The following AFG3L2 variants were observed in gnomAD, a reference collection of about 807,000 sequenced individuals.
The protein encoded by AFG3L2 is AFG3 like matrix AAA peptidase subunit 2.
In AFG3L2, 54 loss-of-function variants were observed where a neutral mutation model predicts 94.5. The observed-to-expected ratio is 0.57, with a 90% CI of 0.46 to 0.72. The LOEUF (loss-of-function observed/expected upper bound fraction) is 0.72. Among genes scored for constraint, AFG3L2 ranks in the 30% least tolerant of loss-of-function variants. The probability of loss-of-function intolerance (pLI) is 0.00; values close to 1 mark genes in which losing one functional copy is unlikely to be tolerated. For missense variants in AFG3L2, 754 were observed against 994.9 expected (o/e 0.76, Z 3.26); for synonymous variants, 377 against 365.5 (o/e 1.03, Z -0.36).
At chr18:12,343,992 GGTTACCAGAA>G (rs1908038912) in intron 14 of AFG3L2, 130 bp downstream of exon 14, 5 of 739,994 alleles carry the variant, frequency 6.8e-6, no homozygotes, top group South Asian at 4.5e-5. Flanking sequence ...GTGCAACTAT[GGTTACCAGAA>G]GTTACCAGAA....
At chr18:12,356,624 C>T in intron 9 of AFG3L2, 70 bp downstream of exon 9, 1 of 1,607,420 alleles carries the variant, frequency 6.2e-7, no homozygotes, top group Non-Finnish European at 8.5e-7. Context: ...CCATCTCTAG[C>T]AAGTGCCTCC....
chr18:12,336,619 C>T (rs771012700), intron 16 of AFG3L2, among the ~76,000 whole-genome samples: 69 of 152,254 alleles, frequency 4.5e-4, no homozygotes, highest in Admixed American at 2.6e-4. Context: ...GAGAAACTGG[C>T]TGTACCTGGG....
Position 12,329,577 on chromosome 18 carries a change from T to C in AFG3L2, c.2382A>G (p.Lys794=), listed in dbSNP as rs1296929028. 2 of 1,613,830 alleles carry C rather than the reference T, an allele frequency of 1.2e-6. No individual in the cohort carries two copies. The highest frequency in any genetic ancestry group is 1.3e-5 in the African/African-American group (1 of 74,906). The part of the protein sequence containing the change: ...EKEKEEPPGE[K]VAN ...TCCCTCTGGGCCTCTAGTTGGCAAC[T>C]TTCTCACCCGGGGGCTCCTCTTTCT... The change falls in exon 17 of 17, where the codon AAA becomes AAG. Residue 794 remains lysine (K), a synonymous_variant. Transcript: ENST00000269143.
At chr18:12,333,201 AATC>A in intron 16 of AFG3L2, among the ~76,000 whole-genome samples, 1 of 122,288 alleles carries the variant, frequency 8.2e-6, no homozygotes, top group African/African-American at 3.2e-5. Flanking sequence ...TATATATAAT[AATC>A]TAATATATAA....
intron 1 of AFG3L2, among the ~76,000 whole-genome samples, chr18:12,376,601 C>T (rs1909164377): frequency 6.6e-6 from 1 of 152,224 alleles, no homozygotes; most frequent in South Asian, 2.1e-4. Context: ...CTTGCGACTA[C>T]ATCGTGCTCG....
intron 16 of AFG3L2, among the ~76,000 whole-genome samples, chr18:12,332,852 A>T (rs1907580044): frequency 1.2e-5 from 1 of 83,970 alleles, no homozygotes; most frequent in Non-Finnish European, 3.0e-5. Flanking sequence ...ACACACACAC[A>T]CACCATAGTT....
intron 5 of AFG3L2, among the ~76,000 whole-genome samples, chr18:12,364,811 T>G (rs576203102): frequency 2.2e-4 from 34 of 152,188 alleles, no homozygotes; most frequent in African/African-American, 7.2e-4. Flanking sequence ...GGACTAAGAA[T>G]GCAAGCCACC....
chr18:12,368,821 C>A (rs1260682856), intron 3 of AFG3L2, among the ~76,000 whole-genome samples: 3 of 152,058 alleles, frequency 2.0e-5, no homozygotes, highest in Admixed American at 2.0e-4. Context: ...GGCTGGTCTT[C>A]AACTCCTGAC....
chr18:12,333,372 C>T (rs1224347198), intron 16 of AFG3L2, among the ~76,000 whole-genome samples: 3 of 133,626 alleles, frequency 2.2e-5, no homozygotes, highest in African/African-American at 8.7e-5. Context: ...ATATTTTTTC[C>T]CCCTGAAACA....
rs1907795737 is a variant in AFG3L2, at chr18:12,337,648, A to G, written c.1981-113T>C. 26 of 834,678 alleles carry G rather than the reference A, an allele frequency of 3.1e-5. 1 individual carries two copies. In the South Asian group the frequency reaches 3.6e-4, roughly 12 times the overall value. The allele number at this position is 834,678 out of a possible 1,614,324, so 51.7% of individuals were successfully genotyped here. On this transcript the variant is annotated intron_variant, in intron 15 of 16. Coordinates refer to ENST00000269143, the MANE Select transcript of AFG3L2 (RefSeq NM_006796.3). ...CACAAAGGTGCTCTGTGTAGCCAGCAGCAGCAGCAGCAGCAGCACAGTGCT... is the reference window on the plus strand; with the variant it reads ...CACAAAGGTGCTCTGTGTAGCCAGCGGCAGCAGCAGCAGCAGCACAGTGCT...
intron 10 of AFG3L2, among the ~76,000 whole-genome samples, chr18:12,352,763 CTTT>C (rs923524373): frequency 6.6e-6 from 1 of 151,788 alleles, no homozygotes; most frequent in Non-Finnish European, 1.5e-5. Flanking sequence ...TTAGGGAATG[CTTT>C]TTTTTGTTTG....
chr18:12,353,340 C>T (rs1259111308), intron 9 of AFG3L2, among the ~76,000 whole-genome samples, 182 bp from the exon 10 acceptor site: 1 of 151,862 alleles, frequency 6.6e-6, no homozygotes, highest in African/African-American at 2.4e-5. Flanking sequence ...CATGGAGAAA[C>T]CCCATCTCTA....
chr18:12,355,534 C>T (rs899256261), intron 9 of AFG3L2, among the ~76,000 whole-genome samples: 1 of 152,182 alleles, frequency 6.6e-6, no homozygotes, highest in African/African-American at 2.4e-5. Flanking sequence ...AAATGTTAAA[C>T]ATGGAGTTAC....
At position 12,337,364 on chromosome 18, in the gene AFG3L2, C is replaced by G. The variant is rs1427649172; in HGVS notation, c.2152G>C (p.Glu718Gln). Residue 718 changes from glutamate (E) to glutamine (Q), a missense_variant, in exon 16 of 17, where the codon GAA (glutamate) becomes CAA (glutamine). Physicochemically the swap from Glu to Gln is conservative, Grantham distance 29 (BLOSUM62 2). This residue lies in a region of AFG3L2 where 279 missense variants were observed against 378.6 expected (regional missense o/e 0.74). Transcript: ENST00000269143. ...ACCTTCTCCACGTCAGCTTTCTTTT[C>G]TGTGAGAAGAGCTACTGTTCTTTTA... ...AYKRTVALLT[E>Q]KKADVEKVAL... The G allele has an allele frequency of 6.2e-7, 1 of 1,614,202 alleles. No individual in the cohort carries two copies.
chr18:12,374,880 ACAC>A (rs1293826568), intron 1 of AFG3L2, among the ~76,000 whole-genome samples: 1 of 152,058 alleles, frequency 6.6e-6, no homozygotes, highest in Non-Finnish European at 1.5e-5. Context: ...ACAAGGTGAA[ACAC>A]CATCTCTACT....
intron 5 of AFG3L2, among the ~76,000 whole-genome samples, chr18:12,364,544 T>A (rs1015300467): frequency 2.0e-5 from 3 of 152,234 alleles, no homozygotes; most frequent in Non-Finnish European, 4.4e-5. Context: ...TATTGCTCTA[T>A]AGGACATAGC....
chr18:12,357,275 T>C (rs990528711), intron 8 of AFG3L2, among the ~76,000 whole-genome samples: 1 of 152,204 alleles, frequency 6.6e-6, no homozygotes, highest in Non-Finnish European at 1.5e-5. Context: ...ACTTCTGACT[T>C]CTACTTTCAT....
chr18:12,357,164 A>C (rs1908522173), intron 8 of AFG3L2, among the ~76,000 whole-genome samples: 1 of 152,204 alleles, frequency 6.6e-6, no homozygotes, highest in Non-Finnish European at 1.5e-5. Flanking sequence ...GGTTTACTTA[A>C]ATAATTTAAG....
At chr18:12,344,318 G>T in intron 13 of AFG3L2, 71 bp from the exon 14 acceptor site, 1 of 1,253,878 alleles carries the variant, frequency 8.0e-7, no homozygotes, top group Non-Finnish European at 1.2e-6. Flanking sequence ...CAGTTATACA[G>T]TGCTATACAT....
Sources: gnomAD v4.1 joint callset for allele counts (sites outside exome capture counted in the v4.1 genomes callset) on GRCh38, gnomAD v4.1.1 for gene constraint, gnomAD v4.1.1 regional missense constraint, MANE v1.5 for transcripts, NCBI Gene and HGNC (gene_info 2026-07-23, HGNC 2026-07-21) for gene names.